Variants in MON1B observed in about 807,000 individuals in gnomAD.
MON1B encodes the protein MON1 vesicular trafficking associated B, also known as vacuolar fusion protein MON1 homolog B.
MON1B carries 26 observed loss-of-function variants against 45.1 expected under a neutral mutation model. The observed-to-expected ratio is 0.58, with a 90% CI of 0.42 to 0.80. The LOEUF is 0.80. MON1B is among the 30% of genes least tolerant of loss of function. The pLI, the probability that MON1B is intolerant of heterozygous loss-of-function variation, is 0.00. For missense variants in MON1B, 737 were observed against 754.5 expected (o/e 0.98, Z 0.27); for synonymous variants, 395 against 320.2 (o/e 1.23, Z -2.49).
At position 77,191,542 on chromosome 16, in the gene MON1B, G is replaced by C. The variant is rs368419550; in HGVS notation, c.57G>C (p.Glu19Asp). The C allele has an allele frequency of 2.9e-5, 46 of 1,609,498 alleles. No homozygotes were observed. Among genetic ancestry groups the C allele is most frequent in the Non-Finnish European group, 3.8e-5 (45 of 1,178,830 alleles). ...CCCCCGGGGGCGCGGAGGACTTGGA[G>C]GACACGCAGTTCCCCAGTGAGGAAG... Reference protein sequence around the residue: ...APAPGGAEDLEDTQFPSEEAR... With the variant: ...APAPGGAEDLDDTQFPSEEAR... Residue 19 changes from glutamate (E) to aspartate (D), a missense_variant, in exon 2 of 6, where the codon GAG becomes GAC. Transcript: ENST00000248248.
rs561096821 is a variant in MON1B, at chr16:77,195,454, A to C, written c.1296-81A>C. 1.2e-3 allele frequency: 1,806 copies of C among 1,454,256 alleles called. 7 individuals are homozygous for C. Among genetic ancestry groups the C allele is most frequent in the Non-Finnish European group, 1.5e-3 (1,642 of 1,088,692 alleles). The allele number at this position is 1,454,256 out of a possible 1,614,324, so 90.1% of individuals were successfully genotyped here. On this transcript the variant is annotated intron_variant, in intron 4 of 5. Coordinates refer to ENST00000248248, the MANE Select transcript of MON1B (RefSeq NM_014940.4). ...GGCTCAGCTCCCTAACTTCATTGAA[A>C]TCTCTAGACTGAGGGAGGAAATGGG... is the stretch of plus-strand genomic sequence containing the variant.
intron 2 of MON1B, among the ~76,000 whole-genome samples, chr16:77,192,473 G>A (rs1457263562): frequency 6.6e-6 from 1 of 152,190 alleles, no homozygotes; most frequent in African/African-American, 2.4e-5. Context: ...GGGAATAAAT[G>A]GATGTGTCAG....
In MON1B at chr16:77,191,518, C is replaced by A; in HGVS notation, c.33C>A (p.Ala11=). 1 of 1,608,234 alleles carries A rather than the reference C, an allele frequency of 6.2e-7. No homozygotes were observed. Among genetic ancestry groups the A allele is most frequent in the Non-Finnish European group, 8.5e-7 (1 of 1,178,332 alleles). The part of the protein sequence containing the change: MEVGGDTAAP[A]PGGAEDLEDT... ...TCGGAGGAGACACTGCTGCCCCGGC[C>A]CCCGGGGGCGCGGAGGACTTGGAGG... Residue 11 remains alanine, a synonymous_variant, in exon 2 of 6, where the codon GCC becomes GCA. Transcript: ENST00000248248.
rs1229854135 is a variant in MON1B, at chr16:77,200,274, G to GTATATA, written c.*1979_*1984dup. The GTATATA allele has an allele frequency of 9.7e-5, 11 of 113,578 alleles. No individual in the cohort carries two copies. Among genetic ancestry groups the GTATATA allele is most frequent in the African/African-American group, 2.1e-4 (6 of 28,578 alleles). The allele number at this position is 113,578 out of a possible 1,614,324, so 7.0% of individuals were successfully genotyped here. ...TATATGTGTATATATATATATATGTGTATATATATATATATATACACACAC... is the reference window on the plus strand; with the variant it reads ...TATATGTGTATATATATATATATGTGTATATATATATATATATATATATACACACAC... On this transcript the variant is annotated 3_prime_UTR_variant, in exon 6 of 6. Coordinates refer to ENST00000248248, the MANE Select transcript of MON1B (RefSeq NM_014940.4).
chr16:77,194,658 C>T lies in MON1B; in HGVS notation c.799C>T (p.Arg267Cys). The change falls in exon 4 of 6, where the codon CGT becomes TGT. Residue 267 changes from arginine (R) to cysteine (C), a missense_variant. By Grantham distance (180) the Arg-to-Cys change is radical (BLOSUM62 -3). Coordinates refer to ENST00000248248, the MANE Select transcript of MON1B (RefSeq NM_014940.4). This position sits in a 1 kb window ranked among gnomAD's most constrained non-coding sequence, Gnocchi z 8.1. Reference protein sequence around the residue: ...LRDALGALLRRCTAPGLALSV... With the variant: ...LRDALGALLRCCTAPGLALSV... ...AGACGCACTAGGTGCGCTCCTCCGA[C>T]GTTGCACAGCGCCTGGCCTGGCGCT... is the stretch of plus-strand genomic sequence containing the variant. 1.2e-6 allele frequency: 2 copies of T among 1,613,908 alleles called. No individual in the cohort carries two copies. Among genetic ancestry groups the T allele is most frequent in the South Asian group, 1.1e-5 (1 of 91,066 alleles).
At position 77,194,435 on chromosome 16, in the gene MON1B, T is replaced by C. The variant is rs2054643161; in HGVS notation, c.576T>C (p.Ala192=). 6.2e-7 allele frequency: 1 copy of C among 1,614,046 alleles called. No individual in the cohort carries two copies. Among genetic ancestry groups the C allele is most frequent in the Non-Finnish European group, 8.5e-7 (1 of 1,180,018 alleles). ...CCCAGCTGCGGGGGGAGCTGCTAGC[T>C]GTGCACGCACAGATCGTGAGCACAC... ...SAAQLRGELL[A]VHAQIVSTLT... Residue 192 remains alanine, a synonymous_variant, in exon 4 of 6, where the codon GCT becomes GCC. Coordinates refer to ENST00000248248, the MANE Select transcript of MON1B (RefSeq NM_014940.4). The surrounding 1 kb of genome is among the most constrained non-coding windows in gnomAD (Gnocchi z 8.1).
chr16:77,199,494 G>A lies in MON1B; in HGVS notation c.*1186G>A, dbSNP rs1011172908. On this transcript the variant is annotated 3_prime_UTR_variant, in exon 6 of 6. Coordinates refer to ENST00000248248, the MANE Select transcript of MON1B (RefSeq NM_014940.4). ...ACCTCTGAATGTGGAGGCGCCAGAA[G>A]CTACTGAGGAGGCTGAAGGTAGTGA... 7 of 1,551,494 alleles carry A rather than the reference G, an allele frequency of 4.5e-6. No individual in the cohort carries two copies. Among genetic ancestry groups the A allele is most frequent in the Middle Eastern group, 1.7e-4 (1 of 5,854 alleles).
chr16:77,197,977 C>T, intron 5 of MON1B, 131 bp from the exon 6 acceptor site: 1 of 873,450 alleles, frequency 1.1e-6, no homozygotes, highest in Non-Finnish European at 1.8e-6. Context: ...ATCTAGGCAG[C>T]ACCTGGTAGG....
rs1365522747 is a variant in MON1B at position 77,199,536 on chromosome 16, C to G, written c.*1228C>G. 2 of 1,527,342 alleles carry G rather than the reference C, an allele frequency of 1.3e-6. No individual in the cohort carries two copies. Among genetic ancestry groups the G allele is most frequent in the Admixed American group, 2.0e-5 (1 of 50,840 alleles). 94.6% of individuals were successfully genotyped at this position (1,527,342 alleles called of 1,614,324 possible). ...AGGTAGTGAGGGCAAGTGGGCTGCACTCCTTTCTCTCCAACCAGGGCAGAA... is the reference window on the plus strand; with the variant it reads ...AGGTAGTGAGGGCAAGTGGGCTGCAGTCCTTTCTCTCCAACCAGGGCAGAA... On this transcript the variant is annotated 3_prime_UTR_variant, in exon 6 of 6. Coordinates refer to ENST00000248248, the MANE Select transcript of MON1B (RefSeq NM_014940.4).
At position 77,194,631 on chromosome 16, in the gene MON1B, C is replaced by T. The variant is rs1273990039; in HGVS notation, c.772C>T (p.Arg258Ter). 2 of 1,613,824 alleles carry T rather than the reference C, an allele frequency of 1.2e-6. No individual in the cohort carries two copies. Among genetic ancestry groups the T allele is most frequent in the Non-Finnish European group, 1.7e-6 (2 of 1,179,928 alleles). Reference sequence around the variant, plus strand: ...CTGTGTGCCCCTTGCCCGCCCGCTGCGAGACGCACTAGGTGCGCTCCTCCG... The same window carrying T: ...CTGTGTGCCCCTTGCCCGCCCGCTGTGAGACGCACTAGGTGCGCTCCTCCG... ...VRCVPLARPL[R>*]DALGALLRRC... is the part of the protein sequence containing the mutation. The change falls in exon 4 of 6, where the codon CGA (arginine) becomes TGA (stop). Residue 258 changes from arginine to a stop codon, truncating the protein, a stop_gained. Transcript: ENST00000248248. LOFTEE classifies it high-confidence loss of function. The surrounding 1 kb of genome is among the most constrained non-coding windows in gnomAD (Gnocchi z 8.1).
chr16:77,196,717 C>T (rs762864169), intron 5 of MON1B, among the ~76,000 whole-genome samples: 6 of 151,874 alleles, frequency 4.0e-5, no homozygotes, highest in African/African-American at 1.5e-4. Flanking sequence ...TGGAGGTTGC[C>T]GTGAGCCAAG....
At position 77,199,390 on chromosome 16, in the gene MON1B, C is replaced by G. The variant is rs1020144577; in HGVS notation, c.*1082C>G. The stretch of plus-strand genomic sequence containing the variant: ...TGCGTGCTGAAAAGCCTTTCACCCT[C>G]ACGTGGTTTCTTTTTTAACCAGTCA... On this transcript the variant is annotated 3_prime_UTR_variant, in exon 6 of 6. Coordinates refer to ENST00000248248, the MANE Select transcript of MON1B (RefSeq NM_014940.4). 8.6e-6 allele frequency: 13 copies of G among 1,507,698 alleles called. No homozygotes were observed. In the East Asian group the frequency reaches 1.5e-4, roughly 17 times the overall value. 93.4% of individuals were successfully genotyped at this position (1,507,698 alleles called of 1,614,324 possible). A position where few individuals can be genotyped will look rare whatever the true frequency, so the allele number is the denominator to read the frequency against.
chr16:77,195,461 G>T, intron 4 of MON1B, 74 bp from the exon 5 acceptor site: 1 of 1,490,120 alleles, frequency 6.7e-7, no homozygotes, highest in South Asian at 1.3e-5. Flanking sequence ...GAAATCTCTA[G>T]ACTGAGGGAG....
Position 77,201,721 on chromosome 16 carries a change from G to A in MON1B, c.*3413G>A, listed in dbSNP as rs757403570. 1 of 152,130 alleles carries A rather than the reference G, an allele frequency of 6.6e-6. No individual in the cohort carries two copies. Among genetic ancestry groups the A allele is most frequent in the Non-Finnish European group, 1.5e-5 (1 of 68,022 alleles). 9.4% of individuals were successfully genotyped at this position (152,130 alleles called of 1,614,324 possible). A position where few individuals can be genotyped will look rare whatever the true frequency, so the allele number is the denominator to read the frequency against. On this transcript the variant is annotated 3_prime_UTR_variant, in exon 6 of 6. Coordinates refer to ENST00000248248, the MANE Select transcript of MON1B (RefSeq NM_014940.4). ...GCTAAGTCTAGGTTTATGTGTGCATGCTGTGGAGTGTCTCTGTGGTGGATT... is the reference window on the plus strand; with the variant it reads ...GCTAAGTCTAGGTTTATGTGTGCATACTGTGGAGTGTCTCTGTGGTGGATT...
At position 77,198,457 on chromosome 16, in the gene MON1B, G is replaced by C; in HGVS notation, c.*149G>C. ...GCAAGGTCTGAGGGCCCACCGATGA[G>C]AGAGATGGTGGCAGCCGCCAGGCGA... is the stretch of plus-strand genomic sequence containing the variant. On this transcript the variant is annotated 3_prime_UTR_variant, in exon 6 of 6. Transcript: ENST00000248248. 1.2e-6 allele frequency: 1 copy of C among 849,998 alleles called. No individual in the cohort carries two copies. The highest frequency in any genetic ancestry group is 1.7e-5 in the South Asian group (1 of 58,196). 52.7% of individuals were successfully genotyped at this position (849,998 alleles called of 1,614,324 possible).
rs1393855914 is a variant in MON1B at position 77,194,213 on chromosome 16, A to C, written c.476-122A>C. On this transcript the variant is annotated intron_variant, in intron 3 of 5. Transcript: ENST00000248248. The surrounding 1 kb of genome is among the most constrained non-coding windows in gnomAD (Gnocchi z 8.1). ...CTTACCCCAGTCCAGGTGCCCACAG[A>C]GTGAGCATGTGGACTCGGGCCTGGT... 3 of 881,400 alleles carry C rather than the reference A, an allele frequency of 3.4e-6. No individual in the cohort carries two copies. Among genetic ancestry groups the C allele is most frequent in the Non-Finnish European group, 5.7e-6 (3 of 530,914 alleles). 54.6% of individuals were successfully genotyped at this position (881,400 alleles called of 1,614,324 possible). A position where few individuals can be genotyped will look rare whatever the true frequency, so the allele number is the denominator to read the frequency against.
At chr16:77,191,445 G>C (rs1168372783) in intron 1 of MON1B, 31 bp from the exon 2 acceptor site, 6 of 1,578,906 alleles carry the variant, frequency 3.8e-6, no homozygotes, top group Non-Finnish European at 5.2e-6. Flanking sequence ...TTCTTTCACC[G>C]CCCGTCACCC....
In MON1B at chr16:77,195,954, C is replaced by T. The variant is rs569860834; in HGVS notation, c.1443+272C>T. Among the ~76,000 whole-genome samples, 3 of 152,318 alleles carry T rather than the reference C, an allele frequency of 2.0e-5. No homozygotes were observed. In the South Asian group the frequency reaches 6.2e-4, roughly 32 times the overall value. On this transcript the variant is annotated intron_variant, in intron 5 of 5. Transcript: ENST00000248248. The stretch of plus-strand genomic sequence containing the variant: ...CAGTGTCTTTGACTTTCCAGAGGCC[C>T]CATTAACTACCACTGCTGTGCCTGC...
In MON1B at chr16:77,199,603, A is replaced by G; in HGVS notation, c.*1295A>G. On this transcript the variant is annotated 3_prime_UTR_variant, in exon 6 of 6. Coordinates refer to ENST00000248248, the MANE Select transcript of MON1B (RefSeq NM_014940.4). ...CCCATTACAATAATGAAATAATGAT[A>G]TTCTAATTTTTTTAAATAAAATGTT... 9.4e-7 allele frequency: 1 copy of G among 1,066,674 alleles called. No homozygotes were observed. The highest frequency in any genetic ancestry group is 1.4e-6 in the Non-Finnish European group (1 of 738,904). The allele number at this position is 1,066,674 out of a possible 1,614,324, so 66.1% of individuals were successfully genotyped here.
Sources: gnomAD v4.1 joint callset for allele counts (sites outside exome capture counted in the v4.1 genomes callset) on GRCh38, gnomAD v4.1.1 for gene constraint, Gnocchi (gnomAD v3.1) non-coding constraint, MANE v1.5 for transcripts, NCBI Gene and HGNC (gene_info 2026-07-23, HGNC 2026-07-21) for gene names.